SSH2: variants seen among roughly 807,000 people sequenced by gnomAD.
SSH2 encodes protein phosphatase Slingshot homolog 2.
SSH2 carries 37 observed loss-of-function variants against 135.2 expected under a neutral mutation model. The ratio of observed to expected loss-of-function variants is 0.27; its 90% confidence interval spans 0.21 to 0.36. The LOEUF (loss-of-function observed/expected upper bound fraction) is 0.36, where lower values mean the gene tolerates loss of function less well. Ranked by LOEUF, SSH2 falls within the 10% of genes least tolerant of loss-of-function variation. SSH2 has a pLI of 1.00. For synonymous variants in SSH2, 628 were observed against 646.2 expected (o/e 0.97, Z 0.43); for missense variants, 1,408 against 1,765.3 (o/e 0.80, Z 3.63).
At chr17:29,805,391 G>A (rs1281744698) in intron 2 of SSH2, among the ~76,000 whole-genome samples, 3 of 151,856 alleles carry the variant, frequency 2.0e-5, no homozygotes, top group South Asian at 2.1e-4. Flanking sequence ...TCCTGACCTC[G>A]TGATCCGCTC....
At chr17:29,683,456 C>A (rs1392251229) in intron 6 of SSH2, among the ~76,000 whole-genome samples, 1 of 151,950 alleles carries the variant, frequency 6.6e-6, no homozygotes, top group East Asian at 1.9e-4. Flanking sequence ...CCCATCCCCG[C>A]CCCGCCCACC....
At position 29,677,706 on chromosome 17, in the gene SSH2, CAG is replaced by C; in HGVS notation, c.513_514del (p.Trp172GlufsTer10). The C allele has an allele frequency of 6.2e-7, 1 of 1,614,086 alleles. No individual in the cohort carries two copies. Among genetic ancestry groups the C allele is most frequent in the Non-Finnish European group, 8.5e-7 (1 of 1,179,980 alleles). On this transcript the variant is annotated frameshift_variant, in exon 7 of 16. Transcript: ENST00000540801. LOFTEE classifies it high-confidence loss of function. ...ATCCAAATGAATTAGCGTGTCGCTC[CAG>C]AGAGGCAAAACTAAGCCCATGGTAC...
intron 3 of SSH2, among the ~76,000 whole-genome samples, chr17:29,758,254 A>C (rs1213037281): frequency 6.6e-6 from 1 of 152,322 alleles, no homozygotes; most frequent in South Asian, 2.1e-4. Context: ...CCTTGCAACT[A>C]CTAAGGCAAA....
chr17:29,817,951 G>A (rs926486588), intron 2 of SSH2, among the ~76,000 whole-genome samples: 1 of 151,582 alleles, frequency 6.6e-6, no homozygotes, highest in African/African-American at 2.4e-5. Context: ...TATTATTTTT[G>A]TAGAGACAGG....
At chr17:29,870,462 A>T in intron 1 of SSH2, among the ~76,000 whole-genome samples, 1 of 152,230 alleles carries the variant, frequency 6.6e-6, no homozygotes, top group African/African-American at 2.4e-5. Context: ...TGACTTCATT[A>T]TATACCCTTT....
chr17:29,637,790 AT>A (rs572860727), intron 14 of SSH2, among the ~76,000 whole-genome samples: 3 of 151,912 alleles, frequency 2.0e-5, no homozygotes, highest in African/African-American at 7.2e-5. Context: ...CAAAAAAAAA[AT>A]AAAAAATAAA....
chr17:29,773,838 T>A (rs535438310), intron 3 of SSH2, among the ~76,000 whole-genome samples: 123 of 152,224 alleles, frequency 8.1e-4, no homozygotes, highest in Middle Eastern at 3.4e-3. Context: ...CCACCACACT[T>A]GGCTAATTTT....
intron 5 of SSH2, among the ~76,000 whole-genome samples, chr17:29,692,686 C>G (rs1217567792): frequency 6.6e-6 from 1 of 152,024 alleles, no homozygotes; most frequent in African/African-American, 2.4e-5. Flanking sequence ...TTAGCTTTAC[C>G]AAAACACACA....
rs149782700 is a variant in SSH2, at chr17:29,662,409, C to A, written c.1032+4458G>T. Among the ~76,000 whole-genome samples, 475 of 152,300 alleles carry A rather than the reference C, an allele frequency of 3.1e-3. 3 individuals are homozygous for A. The highest frequency in any genetic ancestry group is 9.1e-3 in the African/African-American group (380 of 41,560). ...TATCTCTGTCCATATTTTATCATAT[C>A]ATTCCTATAGCCTCAATACTGTAAG... is the stretch of plus-strand genomic sequence containing the variant. On this transcript the variant is annotated intron_variant, in intron 11 of 15. Coordinates refer to ENST00000540801, the MANE Select transcript of SSH2 (RefSeq NM_001282129.2).
chr17:29,845,164 C>G (rs112700592), intron 2 of SSH2, among the ~76,000 whole-genome samples: 2 of 152,174 alleles, frequency 1.3e-5, no homozygotes, highest in Non-Finnish European at 2.9e-5. Context: ...GAAAGTTCTT[C>G]GACGATTGAC....
At chr17:29,891,318 T>C (rs1599150304) in intron 1 of SSH2, among the ~76,000 whole-genome samples, 1 of 152,222 alleles carries the variant, frequency 6.6e-6, no homozygotes, top group African/African-American at 2.4e-5. Flanking sequence ...AAATCTACTA[T>C]GCTTAAGTTC....
At chr17:29,858,764 C>T (rs1230762051) in intron 1 of SSH2, among the ~76,000 whole-genome samples, 8 of 151,946 alleles carry the variant, frequency 5.3e-5, no homozygotes, top group Non-Finnish European at 8.8e-5. Flanking sequence ...CCTAACTACT[C>T]GGGAGGCTGA....
intron 1 of SSH2, among the ~76,000 whole-genome samples, chr17:29,904,587 G>A (rs975626836): frequency 1.3e-5 from 2 of 151,982 alleles, no homozygotes; most frequent in African/African-American, 2.4e-5. Flanking sequence ...CTTGAAAACC[G>A]GCACAAGACA....
At chr17:29,740,584 A>G (rs1012826603) in intron 3 of SSH2, among the ~76,000 whole-genome samples, 1 of 152,190 alleles carries the variant, frequency 6.6e-6, no homozygotes, top group Non-Finnish European at 1.5e-5. Context: ...CATATAGCCT[A>G]AAAGATGGAA....
intron 14 of SSH2, among the ~76,000 whole-genome samples, chr17:29,644,637 T>C (rs962323698): frequency 5.3e-5 from 8 of 151,994 alleles, no homozygotes; most frequent in Non-Finnish European, 1.2e-4. Flanking sequence ...TGAAACCCCA[T>C]CTCTACTAAA....
intron 1 of SSH2, among the ~76,000 whole-genome samples, chr17:29,923,659 A>T (rs1597517886): frequency 6.6e-6 from 1 of 151,328 alleles, no homozygotes; most frequent in Non-Finnish European, 1.5e-5. Context: ...GTTGGAAAAA[A>T]ACTGAATGCC....
intron 5 of SSH2, among the ~76,000 whole-genome samples, chr17:29,691,950 C>T (rs1487862572): frequency 6.6e-6 from 1 of 151,152 alleles, no homozygotes; most frequent in East Asian, 2.0e-4. Context: ...ACCAGCCTGG[C>T]CAACATGGTG....
chr17:29,655,717 C>T, intron 11 of SSH2, 110 bp from the exon 12 acceptor site: 1 of 933,892 alleles, frequency 1.1e-6, no homozygotes, highest in Non-Finnish European at 1.7e-6. Flanking sequence ...TAACATCTAC[C>T]AGTGCCCTTT....
intron 3 of SSH2, among the ~76,000 whole-genome samples, chr17:29,714,314 A>C (rs1231542890): frequency 6.6e-6 from 1 of 151,728 alleles, no homozygotes; most frequent in Admixed American, 6.5e-5. Context: ...AAAACTGTTC[A>C]GCATTTAAAA....
Sources: allele counts gnomAD v4.1 joint callset (sites outside exome capture counted in the v4.1 genomes callset), GRCh38; gene constraint gnomAD v4.1.1; transcripts MANE v1.5; gene names NCBI Gene and HGNC (gene_info 2026-07-23, HGNC 2026-07-21).